Variants in WDR17 observed in about 807,000 individuals in gnomAD.
The protein encoded by WDR17 is WD repeat-containing protein 17.
Under a neutral mutation model 161.7 loss-of-function variants are expected in WDR17, and 143 were observed. That is an observed-to-expected ratio of 0.88 (90% CI 0.77 to 1.02). WDR17 has a LOEUF of 1.02. Among genes scored for constraint, WDR17 ranks in the 50% least tolerant of loss-of-function variants. The probability of loss-of-function intolerance (pLI) is 0.00; values close to 1 mark genes in which losing one functional copy is unlikely to be tolerated. For missense variants in WDR17, 1,469 were observed against 1,520.9 expected (o/e 0.97, Z 0.57); for synonymous variants, 517 against 515.6 (o/e 1.00, Z -0.04).
intron 1 of WDR17, among the ~76,000 whole-genome samples, chr4:176,087,624 A>G (rs534893983): frequency 6.6e-6 from 1 of 151,908 alleles, no homozygotes; most frequent in African/African-American, 2.4e-5. Flanking sequence ...TCTTACATAC[A>G]TGTTTAACTT....
Position 176,150,512 on chromosome 4 carries a change from A to G in WDR17, c.2223A>G (p.Ile741Met). The change falls in exon 16 of 29, where the codon ATA (isoleucine) becomes ATG (methionine). Residue 741 changes from isoleucine (I) to methionine (M), a missense_variant. Coordinates refer to ENST00000508596, the MANE Select transcript of WDR17 (RefSeq NM_181265.4). ...SDNLWNLVAVIKGQDDSLLPQ... is the reference protein window; with the variant it reads ...SDNLWNLVAVMKGQDDSLLPQ... ...ATTTATGGAACTTGGTTGCTGTGAT[A>G]AAAGGACAGGATGATAGCTTACTTC... 6.2e-7 allele frequency: 1 copy of G among 1,611,998 alleles called. No individual in the cohort carries two copies. The highest frequency in any genetic ancestry group is 2.2e-5 in the East Asian group (1 of 44,748).
At chr4:176,122,638 T>G (rs568130518) in intron 4 of WDR17, among the ~76,000 whole-genome samples, 1 of 152,306 alleles carries the variant, frequency 6.6e-6, no homozygotes, top group South Asian at 2.1e-4. Context: ...CTTCTTACTT[T>G]TCATGAGTTG....
At chr4:176,116,735 T>A (rs149138236) in intron 3 of WDR17, among the ~76,000 whole-genome samples, 1 of 151,920 alleles carries the variant, frequency 6.6e-6, no homozygotes, top group East Asian at 1.9e-4. Flanking sequence ...TGTTCAAATT[T>A]CTTTGTAATA....
chr4:176,091,927 T>C (rs1304888539), intron 1 of WDR17, among the ~76,000 whole-genome samples: 12 of 152,090 alleles, frequency 7.9e-5, no homozygotes, highest in Non-Finnish European at 1.8e-4. Flanking sequence ...AATAGACCAA[T>C]AGCAAGTAAT....
chr4:176,135,864 C>G (rs1305375099), intron 8 of WDR17, among the ~76,000 whole-genome samples: 1 of 151,538 alleles, frequency 6.6e-6, no homozygotes, highest in Non-Finnish European at 1.5e-5. Context: ...GAATTTTTCA[C>G]TTTTAAAGTA....
intron 4 of WDR17, among the ~76,000 whole-genome samples, 191 bp downstream of exon 4, chr4:176,120,288 TTATATATATATA>T (rs33940735): frequency 2.9e-5 from 4 of 136,516 alleles, no homozygotes; most frequent in Admixed American, 2.2e-4. Context: ...ATTTGAAGTT[TTATATATATATA>T]TATATATATA....
chr4:176,076,080 G>GC (rs1446742918), intron 1 of WDR17, among the ~76,000 whole-genome samples: 1 of 151,774 alleles, frequency 6.6e-6, no homozygotes, highest in East Asian at 1.9e-4. Context: ...ATGCCAATCT[G>GC]TTTTTTTCCA....
rs763393085 is a variant in WDR17, at chr4:176,125,244, G to A, written c.679G>A (p.Val227Ile). ...VVNLHYGIRLVDSESLSCITT... is the reference protein window; with the variant it reads ...VVNLHYGIRLIDSESLSCITT... The stretch of plus-strand genomic sequence containing the variant: ...TAATTTGCATTATGGAATTCGCCTG[G>A]TAGATTCTGAATCACTTTCTTGCAT... Residue 227 changes from valine to isoleucine, a missense_variant, in exon 5 of 29, where the codon GTA (valine) becomes ATA (isoleucine). Transcript: ENST00000508596. 4.3e-6 allele frequency: 7 copies of A among 1,614,084 alleles called. No homozygotes were observed. The highest frequency in any genetic ancestry group is 5.9e-6 in the Non-Finnish European group (7 of 1,180,008).
At chr4:176,116,024 A>T in intron 3 of WDR17, 45 bp downstream of exon 3, 1 of 1,533,894 alleles carries the variant, frequency 6.5e-7, no homozygotes, top group Non-Finnish European at 8.8e-7. Context: ...AAATATTTTT[A>T]TTTCAACAAG....
chr4:176,152,218 C>T (rs1009098178), intron 17 of WDR17, among the ~76,000 whole-genome samples: 5 of 147,576 alleles, frequency 3.4e-5, no homozygotes, highest in African/African-American at 1.3e-4. Flanking sequence ...TCAGTTGAGC[C>T]CAGGAGGCAG....
At chr4:176,075,710 A>G (rs1447027786) in intron 1 of WDR17, among the ~76,000 whole-genome samples, 3 of 152,176 alleles carry the variant, frequency 2.0e-5, no homozygotes, top group Non-Finnish European at 4.4e-5. Flanking sequence ...GGCAAATTAT[A>G]GAGGAGTGAG....
At chr4:176,143,173 C>A (rs953424311) in intron 11 of WDR17, among the ~76,000 whole-genome samples, 3 of 152,226 alleles carry the variant, frequency 2.0e-5, no homozygotes, top group Non-Finnish European at 4.4e-5. Context: ...GCCACCACGC[C>A]CGGCCTTACA....
chr4:176,135,473 T>C (rs1744258862), intron 8 of WDR17, 197 bp downstream of exon 8: 1 of 611,072 alleles, frequency 1.6e-6, no homozygotes, highest in South Asian at 2.0e-5. Context: ...TGATTCCTGG[T>C]TTCCTCTATA....
intron 6 of WDR17, among the ~76,000 whole-genome samples, chr4:176,129,403 GTAAT>G (rs996617206): frequency 1.3e-5 from 2 of 151,902 alleles, no homozygotes; most frequent in African/African-American, 4.8e-5. Context: ...CGTTGCCTCT[GTAAT>G]TAAGAAAAAA....
intron 11 of WDR17, 34 bp from the exon 12 acceptor site, chr4:176,145,961 A>T: frequency 6.3e-7 from 1 of 1,581,040 alleles, no homozygotes; most frequent in Middle Eastern, 1.7e-4. Flanking sequence ...TATCATATTT[A>T]TCCTATGTCA....
At chr4:176,077,721 A>G (rs1442839056) in intron 1 of WDR17, among the ~76,000 whole-genome samples, 4 of 152,064 alleles carry the variant, frequency 2.6e-5, no homozygotes, top group Non-Finnish European at 5.9e-5. Flanking sequence ...TATCATTCAT[A>G]ACTAGCTTCA....
At chr4:176,098,077 TAG>T (rs1196528859) in intron 1 of WDR17, 1 of 152,064 alleles carries the variant, frequency 6.6e-6, no homozygotes, top group African/African-American at 2.4e-5. Flanking sequence ...CATACATGTG[TAG>T]ATGAAAATGA....
At chr4:176,089,253 T>G (rs1198117986) in intron 1 of WDR17, among the ~76,000 whole-genome samples, 1 of 152,180 alleles carries the variant, frequency 6.6e-6, no homozygotes, top group Non-Finnish European at 1.5e-5. Context: ...TAGTTACAGT[T>G]TCTGTTCCCC....
intron 1 of WDR17, among the ~76,000 whole-genome samples, chr4:176,086,999 C>G (rs1466740978): frequency 6.6e-6 from 1 of 151,906 alleles, no homozygotes; most frequent in Admixed American, 6.6e-5. Context: ...AATACTAATA[C>G]TAACTCCATT....
Sources: gnomAD v4.1 joint callset for allele counts (sites outside exome capture counted in the v4.1 genomes callset) on GRCh38, gnomAD v4.1.1 for gene constraint, MANE v1.5 for transcripts, NCBI Gene and HGNC (gene_info 2026-07-23, HGNC 2026-07-21) for gene names.